RNF135: variants seen among roughly 807,000 people sequenced by gnomAD.
RNF135 encodes ring finger protein 135, also known as E3 ubiquitin-protein ligase RNF135.
RNF135 carries 46 observed loss-of-function variants against 41.9 expected under a neutral mutation model. That is an observed-to-expected ratio of 1.10 (90% CI 0.87 to 1.40). The LOEUF (loss-of-function observed/expected upper bound fraction) is 1.40. Among genes scored for constraint, RNF135 ranks in the 40% most tolerant of loss-of-function variants. RNF135 has a pLI of 0.00. For missense variants in RNF135, 539 were observed against 549.8 expected (o/e 0.98, Z 0.20); for synonymous variants, 238 against 223.8 (o/e 1.06, Z -0.57).
chr17:30,997,380 G>GGCTT, intron 4 of RNF135, 49 bp downstream of exon 4: 1 of 1,503,214 alleles, frequency 6.7e-7, no homozygotes, highest in Non-Finnish European at 9.3e-7. Flanking sequence ...CCGCAGAGCG[G>GGCTT]GCTTCGAGAA....
chr17:30,999,341 T>C lies in RNF135; in HGVS notation c.*150T>C. 1 of 863,166 alleles carries C rather than the reference T, an allele frequency of 1.2e-6. No homozygotes were observed. Among genetic ancestry groups the C allele is most frequent in the Non-Finnish European group, 1.8e-6 (1 of 548,364 alleles). The allele number at this position is 863,166 out of a possible 1,614,324, so 53.5% of individuals were successfully genotyped here. A position where few individuals can be genotyped will look rare whatever the true frequency, so the allele number is the denominator to read the frequency against. ...GTTGCCCAGGCTGGTGTCGAATTCC[T>C]GGTCTCAAGCAGTCCTCCCACCTCA... On this transcript the variant is annotated 3_prime_UTR_variant, in exon 5 of 5. Transcript: ENST00000328381.
At chr17:30,988,924 C>CTTTTT (rs572603845) in intron 3 of RNF135, among the ~76,000 whole-genome samples, 6 of 99,922 alleles carry the variant, frequency 6.0e-5, no homozygotes, top group Admixed American at 1.9e-4. Context: ...TTCTTTCTTT[C>CTTTTT]TTTTTTTTTT....
At chr17:30,993,908 A>G (rs1395719276) in intron 3 of RNF135, 1 of 623,666 alleles carries the variant, frequency 1.6e-6, no homozygotes, top group African/African-American at 1.9e-5. Context: ...GGCTCAGGTG[A>G]TCTTCCTTCC....
chr17:30,970,179 TTTC>T (rs1905771639), upstream of RNF135: 1 of 145,590 alleles, frequency 6.9e-6, no homozygotes, highest in Admixed American at 6.6e-5. Context: ...CCTGCAAGTT[TTTC>T]TTTTTTCTCT....
intron 1 of RNF135, chr17:30,978,563 A>C (rs1328645161): frequency 6.6e-6 from 1 of 151,752 alleles, no homozygotes; most frequent in Non-Finnish European, 1.5e-5. Flanking sequence ...TCGATTCCAG[A>C]ATTTCTGCTT....
chr17:30,991,628 G>A (rs1410589505), intron 3 of RNF135, among the ~76,000 whole-genome samples: 1 of 151,876 alleles, frequency 6.6e-6, no homozygotes, highest in Non-Finnish European at 1.5e-5. Context: ...TGGTCAGGCT[G>A]GTCTCAGACT....
chr17:30,987,699 A>C (rs1907687248), intron 2 of RNF135, among the ~76,000 whole-genome samples: 3 of 152,366 alleles, frequency 2.0e-5, no homozygotes, highest in African/African-American at 7.2e-5. Flanking sequence ...TAAATAAAGC[A>C]AATTAAAGTG....
chr17:30,979,642 C>T (rs1216855681), intron 1 of RNF135, among the ~76,000 whole-genome samples: 65 of 124,690 alleles, frequency 5.2e-4, no homozygotes, highest in Non-Finnish European at 6.8e-4. Flanking sequence ...CCGGACGGGG[C>T]GGCTGGCCAG....
At chr17:30,966,488 G>A (rs1905557099), upstream of RNF135, among the ~76,000 whole-genome samples, 1 of 142,714 alleles carries the variant, frequency 7.0e-6, no homozygotes, top group African/African-American at 2.8e-5. Context: ...TGTAACACAA[G>A]TGTTTCAAAT....
chr17:30,994,966 C>G (rs1908240885), intron 3 of RNF135, among the ~76,000 whole-genome samples: 2 of 150,816 alleles, frequency 1.3e-5, no homozygotes, highest in African/African-American at 2.4e-5. Flanking sequence ...TTTTTAGGAT[C>G]AGGTCTTACT....
rs1567751613 is a variant in RNF135 at position 30,999,126 on chromosome 17, C to T, written c.1234C>T (p.Pro412Ser). The change falls in exon 5 of 5, where the codon CCT (proline) becomes TCT (serine). Residue 412 changes from proline (P) to serine (S), a missense_variant. By Grantham distance (74) the Pro-to-Ser change is moderately conservative. Around this residue, in one of 2 missense-constraint regions of RNF135, gnomAD observed 262 missense variants for 336.9 expected, o/e 0.78. Coordinates refer to ENST00000328381, the MANE Select transcript of RNF135 (RefSeq NM_032322.4). Reference protein sequence around the residue: ...CTISASSPLYPAFWLYGLHPG... With the variant: ...CTISASSPLYSAFWLYGLHPG... ...CATCTCTGCCTCCTCTCCTTTGTAC[C>T]CTGCCTTCTGGCTGTATGGCTTACA... 5 of 1,614,156 alleles carry T rather than the reference C, an allele frequency of 3.1e-6. No individual in the cohort carries two copies. Among genetic ancestry groups the T allele is most frequent in the Non-Finnish European group, 3.4e-6 (4 of 1,180,032 alleles).
rs540778692 is a variant in RNF135 at position 30,991,704 on chromosome 17, G to A, written c.679+3598G>A. Among the ~76,000 whole-genome samples, 484 of 151,918 alleles carry A rather than the reference G, an allele frequency of 3.2e-3. 1 individual carries two copies. Among genetic ancestry groups the A allele is most frequent in the Non-Finnish European group, 4.9e-3 (333 of 67,960 alleles). ...GCTGGGATTACAGGGGTGAGCCACC[G>A]TGCCCGGCCTATACTACACTTTTAA... On this transcript the variant is annotated intron_variant, in intron 3 of 4. Coordinates refer to ENST00000328381, the MANE Select transcript of RNF135 (RefSeq NM_032322.4).
intron 3 of RNF135, chr17:30,993,851 C>T: frequency 1.2e-6 from 1 of 822,380 alleles, no homozygotes; most frequent in Non-Finnish European, 2.0e-6. Context: ...TTCTCTGTTG[C>T]CCAGGCTGGA....
At chr17:30,984,896 A>G in intron 2 of RNF135, 136 bp downstream of exon 2, 3 of 1,056,262 alleles carry the variant, frequency 2.8e-6, no homozygotes, top group Non-Finnish European at 4.3e-6. Context: ...TTACTACCAG[A>G]CATGGATGAT....
chr17:30,980,245 G>T (rs1906982110), intron 1 of RNF135: 1 of 134,692 alleles, frequency 7.4e-6, no homozygotes, highest in Non-Finnish European at 1.6e-5. Flanking sequence ...CGGGGCGGCT[G>T]GCCGGGCAGA....
intron 1 of RNF135, among the ~76,000 whole-genome samples, chr17:30,983,770 T>C (rs552197068): frequency 3.9e-5 from 6 of 152,074 alleles, no homozygotes; most frequent in Admixed American, 6.6e-5. Flanking sequence ...ATTTTGGTTT[T>C]TTTTTTTTTG....
At chr17:30,981,397 G>A (rs534670806) in intron 1 of RNF135, among the ~76,000 whole-genome samples, 25 of 152,016 alleles carry the variant, frequency 1.6e-4, no homozygotes, top group African/African-American at 5.3e-4. Context: ...ACTCTTAACC[G>A]ATTTTTAATT....
intron 1 of RNF135, among the ~76,000 whole-genome samples, chr17:30,977,417 A>G (rs1014058823): frequency 3.9e-5 from 6 of 152,164 alleles, no homozygotes; most frequent in Admixed American, 2.0e-4. Flanking sequence ...TCTGTTGCCC[A>G]GGTTGGAGTG....
intron 3 of RNF135, among the ~76,000 whole-genome samples, chr17:30,995,828 A>G (rs2142732917): frequency 6.6e-6 from 1 of 150,498 alleles, no homozygotes; most frequent in South Asian, 2.1e-4. Context: ...ATCTTGGCTC[A>G]CCGCAACCTC....
Sources: gnomAD v4.1 joint callset for allele counts (sites outside exome capture counted in the v4.1 genomes callset) on GRCh38, gnomAD v4.1.1 for gene constraint, gnomAD v4.1.1 regional missense constraint, MANE v1.5 for transcripts, NCBI Gene and HGNC (gene_info 2026-07-23, HGNC 2026-07-21) for gene names.